IFT122: variants seen among roughly 807,000 people sequenced by gnomAD.
IFT122 encodes intraflagellar transport protein 122 homolog.
Under a neutral mutation model 161.6 loss-of-function variants are expected in IFT122, and 118 were observed. The ratio of observed to expected loss-of-function variants is 0.73; its 90% CI spans 0.63 to 0.85. The LOEUF (loss-of-function observed/expected upper bound fraction) is 0.85, where lower values mean the gene tolerates loss of function less well. Among genes scored for constraint, IFT122 ranks in the 40% least tolerant of loss-of-function variants. IFT122 has a pLI of 0.00. For missense variants in IFT122, 1,381 were observed against 1,579.6 expected (o/e 0.87, Z 2.13); for synonymous variants, 550 against 602.4 (o/e 0.91, Z 1.27).
rs147517019 is a variant in IFT122, at chr3:129,517,471, G to A, written c.3268G>A (p.Val1090Met). 36 of 1,613,474 alleles carry A rather than the reference G, an allele frequency of 2.2e-5. No individual in the cohort carries two copies. Among genetic ancestry groups the A allele is most frequent in the East Asian group, 2.2e-4 (10 of 44,866 alleles). The change falls in exon 27 of 30, where the codon GTG becomes ATG. Residue 1090 changes from valine to methionine, a missense_variant and splice_region_variant. Coordinates refer to ENST00000348417, the MANE Select transcript of IFT122 (RefSeq NM_052989.3). ...AGCCCTTTCTCTATGCCCTCCAGAC[G>A]TGCTACACCTGGTTGAGTTCTACCT... ...PFIFSASSYD[V>M]LHLVEFYLEE...
In IFT122 at chr3:129,515,501, T is replaced by C. The variant is rs1003293789; in HGVS notation, c.3167T>C (p.Leu1056Ser). The C allele has an allele frequency of 1.3e-6, 2 of 1,482,310 alleles. No homozygotes were observed. Among genetic ancestry groups the C allele is most frequent in the Non-Finnish European group, 1.9e-6 (2 of 1,066,116 alleles). The allele number at this position is 1,482,310 out of a possible 1,614,324, so 91.8% of individuals were successfully genotyped here. A position where few individuals can be genotyped will look rare whatever the true frequency, so the allele number is the denominator to read the frequency against. ...GCTGTTTTGTAGGAGTTGGTGCCCT[T>C]GTGCTACCGCTGCTCCACCAACAAC... ...PFHDSEELVPLCYRCSTNNPL... is the reference protein window; with the variant it reads ...PFHDSEELVPSCYRCSTNNPL... Residue 1056 changes from leucine to serine, a missense_variant, in exon 26 of 30, where the codon TTG becomes TCG. This residue lies in a region of IFT122 where 20 missense variants were observed against 54.2 expected (regional missense o/e 0.37). Coordinates refer to ENST00000348417, the MANE Select transcript of IFT122 (RefSeq NM_052989.3).
intron 1 of IFT122, among the ~76,000 whole-genome samples, chr3:129,443,892 A>G (rs2073606626): frequency 6.6e-6 from 1 of 152,248 alleles, no homozygotes; most frequent in Non-Finnish European, 1.5e-5. Context: ...TGAGACATTC[A>G]GAAATGATTT....
chr3:129,460,105 T>C (rs1446825002), intron 4 of IFT122, among the ~76,000 whole-genome samples: 1 of 152,162 alleles, frequency 6.6e-6, no homozygotes, highest in African/African-American at 2.4e-5. Context: ...TTAACTACTT[T>C]TTAAGTTTAC....
intron 1 of IFT122, among the ~76,000 whole-genome samples, chr3:129,448,410 T>A (rs1291495346): frequency 6.6e-6 from 1 of 152,212 alleles, no homozygotes; most frequent in Non-Finnish European, 1.5e-5. Context: ...ATTGGATTGG[T>A]GTTTCATTTG....
At chr3:129,517,716 C>T in intron 27 of IFT122, 122 bp downstream of exon 27, 1 of 1,337,642 alleles carries the variant, frequency 7.5e-7, no homozygotes, top group South Asian at 1.2e-5. Flanking sequence ...CCCTGTGTTC[C>T]CAGAGAGATT....
intron 16 of IFT122, among the ~76,000 whole-genome samples, chr3:129,488,972 G>A (rs2079677386): frequency 6.6e-6 from 1 of 152,090 alleles, no homozygotes. Flanking sequence ...AAGCTAGAGA[G>A]ATGGCTGAAA....
chr3:129,489,770 C>T (rs1168561815), intron 16 of IFT122, among the ~76,000 whole-genome samples: 5 of 148,578 alleles, frequency 3.4e-5, no homozygotes, highest in African/African-American at 5.0e-5. Flanking sequence ...ACCTGGGAGG[C>T]GGAGCGTGCA....
chr3:129,441,938 ATGCTCGGCCTAAAAGGGGCAGCTGC>A (rs1380236081), intron 1 of IFT122, among the ~76,000 whole-genome samples: 1 of 152,210 alleles, frequency 6.6e-6, no homozygotes, highest in African/African-American at 2.4e-5. Context: ...TGCAGAGCTC[ATGCTCGGCCTAAAAGGGGCAGCTGC>A]TGCTCAGCTC....
intron 25 of IFT122, 32 bp from the exon 26 acceptor site, chr3:129,515,456 C>T (rs781020535): frequency 4.6e-5 from 52 of 1,118,328 alleles, no homozygotes; most frequent in South Asian, 2.9e-4. Flanking sequence ...GTGCCTGCCC[C>T]GGCCCCTCGG....
intron 3 of IFT122, among the ~76,000 whole-genome samples, chr3:129,454,380 C>A: frequency 6.7e-6 from 1 of 148,616 alleles, no homozygotes; most frequent in Non-Finnish European, 1.5e-5. Context: ...GGTGACAGAG[C>A]TAGACTCTGT....
intron 1 of IFT122, among the ~76,000 whole-genome samples, chr3:129,448,357 C>T (rs1270655178): frequency 1.3e-5 from 2 of 152,126 alleles, no homozygotes; most frequent in African/African-American, 4.8e-5. Flanking sequence ...TATAGATAAG[C>T]TTGAGGAGGT....
intron 16 of IFT122, among the ~76,000 whole-genome samples, chr3:129,489,176 C>A (rs559973706): frequency 4.3e-4 from 65 of 152,186 alleles, no homozygotes; most frequent in African/African-American, 1.5e-3. Context: ...GAAGGAGTGG[C>A]AAAGAGGGAC....
chr3:129,504,020 G>A, intron 20 of IFT122: 1 of 406,400 alleles, frequency 2.5e-6, no homozygotes, highest in Non-Finnish European at 4.7e-6. Flanking sequence ...AGCACTACAG[G>A]AGCCCACGCA....
rs149476572 is a variant in IFT122, at chr3:129,474,795, C to T, written c.817-1520C>T. Among the ~76,000 whole-genome samples the T allele has an allele frequency of 1.7e-3, 259 of 152,204 alleles. 1 individual carries two copies. The highest frequency in any genetic ancestry group is 5.8e-3 in the African/African-American group (241 of 41,532). On this transcript the variant is annotated intron_variant, in intron 9 of 29. Transcript: ENST00000348417. ...ATCAAGAAAGAGAAAAGACAACCCA[C>T]AGAATGAGAGAAGTTTTACAACTCA...
At chr3:129,467,102 A>T (rs746343325) in intron 8 of IFT122, 36 bp downstream of exon 8, 6 of 1,596,498 alleles carry the variant, frequency 3.8e-6, no homozygotes. Context: ...CCCTTCTGGT[A>T]AGGGCCCAGG....
chr3:129,493,504 C>A (rs1559954986), intron 17 of IFT122, among the ~76,000 whole-genome samples: 2 of 152,232 alleles, frequency 1.3e-5, no homozygotes, highest in Non-Finnish European at 1.5e-5. Flanking sequence ...CTATTCCATG[C>A]AGGAGGAAAT....
intron 23 of IFT122, among the ~76,000 whole-genome samples, chr3:129,509,640 G>A (rs939908286): frequency 3.9e-5 from 6 of 152,172 alleles, no homozygotes; most frequent in South Asian, 2.1e-4. Context: ...CATAAAGCGA[G>A]AAATGCCCGT....
chr3:129,495,277 A>G (rs2080699874), intron 17 of IFT122, among the ~76,000 whole-genome samples, 169 bp from the exon 18 acceptor site: 1 of 152,206 alleles, frequency 6.6e-6, no homozygotes. Context: ...TTTGTTGTCA[A>G]GCCTTCCCAG....
intron 7 of IFT122, 112 bp from the exon 8 acceptor site, chr3:129,466,778 C>A: frequency 2.0e-6 from 2 of 983,384 alleles, no homozygotes; most frequent in Non-Finnish European, 3.3e-6. Context: ...GCTGGGATTA[C>A]AGGCGTGAGT....
Sources: allele counts gnomAD v4.1 joint callset (sites outside exome capture counted in the v4.1 genomes callset), GRCh38; gene constraint gnomAD v4.1.1; regional missense constraint gnomAD v4.1.1; transcripts MANE v1.5; gene names NCBI Gene and HGNC (gene_info 2026-07-23, HGNC 2026-07-21).